The following BLZF1 variants were observed in gnomAD, a reference collection of about 807,000 sequenced individuals.
The protein encoded by BLZF1 is golgin-45.
BLZF1 carries 39 observed loss-of-function variants against 43.8 expected under a neutral mutation model. That is an observed-to-expected ratio of 0.89 (90% confidence interval 0.69 to 1.16). BLZF1 has a LOEUF of 1.16. BLZF1 is among the 50% of genes most tolerant of loss of function. The pLI is 0.00. For synonymous variants in BLZF1, 136 were observed against 159.4 expected, an observed-to-expected ratio of 0.85 and a Z score of 1.11; for missense variants, 449 against 469.8, an observed-to-expected ratio of 0.96 and a Z score of 0.41.
At chr1:169,373,866 G>C (rs1654208489) in intron 2 of BLZF1, among the ~76,000 whole-genome samples, 1 of 152,044 alleles carries the variant, frequency 6.6e-6, no homozygotes, top group African/African-American at 2.4e-5. Context: ...AATTTTATTT[G>C]ACCATAATGG....
chr1:169,372,352 AT>A (rs1282008990), intron 2 of BLZF1, among the ~76,000 whole-genome samples: 1 of 152,148 alleles, frequency 6.6e-6, no homozygotes, highest in African/African-American at 2.4e-5. Context: ...AGGAAAAAAA[AT>A]AAAGCAGTTT....
At chr1:169,383,089 C>T (rs1654573488) in intron 6 of BLZF1, among the ~76,000 whole-genome samples, 1 of 152,180 alleles carries the variant, frequency 6.6e-6, no homozygotes. Flanking sequence ...TCCGAGTATG[C>T]TGCAAACCCC....
intron 7 of BLZF1, among the ~76,000 whole-genome samples, chr1:169,393,591 A>C (rs1332286319): frequency 6.7e-6 from 1 of 149,822 alleles, no homozygotes; most frequent in Non-Finnish European, 1.5e-5. Flanking sequence ...TCTAAGGGAA[A>C]AAAAAAAACA....
In BLZF1 at chr1:169,387,335, A is replaced by G. The variant is rs549206505; in HGVS notation, c.*153A>G. On this transcript the variant is annotated 3_prime_UTR_variant, in exon 7 of 7. Coordinates refer to ENST00000367808, the MANE Select transcript of BLZF1 (RefSeq NM_001320973.2). ...AGATATTTTATGTACTAGACTCCAG[A>G]TTACCCTTTCTTAATAAATATCTCA... The G allele has an allele frequency of 4.9e-4, 297 of 612,054 alleles. 3 individuals carry two copies. In the South Asian group the frequency reaches 5.3e-3, roughly 11 times the overall value. The allele number at this position is 612,054 out of a possible 1,614,324, so 37.9% of individuals were successfully genotyped here. A position where few individuals can be genotyped will look rare whatever the true frequency, so the allele number is the denominator to read the frequency against.
intron 7 of BLZF1, among the ~76,000 whole-genome samples, chr1:169,393,954 C>T (rs769495801): frequency 3.3e-5 from 5 of 152,190 alleles, no homozygotes; most frequent in Non-Finnish European, 5.9e-5. Flanking sequence ...TGTCCATTCT[C>T]CATCACACTT....
At chr1:169,370,296 A>G (rs1429282880) in intron 2 of BLZF1, among the ~76,000 whole-genome samples, 1 of 152,190 alleles carries the variant, frequency 6.6e-6, no homozygotes, top group Non-Finnish European at 1.5e-5. Flanking sequence ...ATGAAGTCTC[A>G]TTCTGAGGTA....
At chr1:169,377,865 C>T (rs1654408018) in intron 3 of BLZF1, among the ~76,000 whole-genome samples, 1 of 151,916 alleles carries the variant, frequency 6.6e-6, no homozygotes, top group Non-Finnish European at 1.5e-5. Context: ...TTGCTCTTTT[C>T]AGTAATGATG....
chr1:169,393,626 C>T (rs112400298), intron 7 of BLZF1, among the ~76,000 whole-genome samples: 4,403 of 147,268 alleles, frequency 0.03, 186 homozygotes, highest in African/African-American at 0.1. Flanking sequence ...TTTTGAGATA[C>T]GGTCTCACTC....
At chr1:169,377,494 G>A (rs1654397802) in intron 3 of BLZF1, 5 of 152,418 alleles carry the variant, frequency 3.3e-5, no homozygotes, top group East Asian at 3.9e-4. Flanking sequence ...TTCTCTATTA[G>A]ACCATGCATC....
chr1:169,380,406 A>G, intron 4 of BLZF1, 75 bp from the exon 5 acceptor site: 4 of 1,366,870 alleles, frequency 2.9e-6, no homozygotes, highest in Non-Finnish European at 4.0e-6. Flanking sequence ...AGTGACAGTC[A>G]CAAAGTAGTA....
intron 7 of BLZF1, chr1:169,394,927 T>C: frequency 1.1e-6 from 1 of 909,050 alleles, no homozygotes; most frequent in Non-Finnish European, 1.6e-6. Context: ...ACAAATTCAC[T>C]GTCAATAAAA....
chr1:169,373,044 A>G (rs1654178329), intron 2 of BLZF1, among the ~76,000 whole-genome samples: 1 of 152,132 alleles, frequency 6.6e-6, no homozygotes, highest in Non-Finnish European at 1.5e-5. Flanking sequence ...CTTATTAAAT[A>G]CTTACATGGT....
intron 3 of BLZF1, among the ~76,000 whole-genome samples, chr1:169,377,969 TAAA>T (rs1158683853): frequency 2.0e-5 from 3 of 152,162 alleles, no homozygotes; most frequent in Admixed American, 6.6e-5. Flanking sequence ...AAATGTTTAA[TAAA>T]AAACATAAAA....
downstream of BLZF1, among the ~76,000 whole-genome samples, chr1:169,389,399 A>T (rs1173136159): frequency 1.3e-5 from 2 of 152,256 alleles, no homozygotes; most frequent in African/African-American, 4.8e-5. Context: ...GCTCAGCATA[A>T]CTACTCATTA....
At chr1:169,389,522 G>T (rs1225132638), downstream of BLZF1, among the ~76,000 whole-genome samples, 2 of 152,196 alleles carry the variant, frequency 1.3e-5, no homozygotes, top group Admixed American at 1.3e-4. Context: ...TTGTTTGTGG[G>T]AATGTAAAAT....
chr1:169,379,297 A>T (rs762504834), intron 4 of BLZF1, among the ~76,000 whole-genome samples: 15 of 152,072 alleles, frequency 9.9e-5, no homozygotes, highest in Admixed American at 5.3e-4. Context: ...GATTTTGATG[A>T]ATACATTTTT....
At chr1:169,388,705 C>T (rs1654740299), downstream of BLZF1, among the ~76,000 whole-genome samples, 1 of 152,172 alleles carries the variant, frequency 6.6e-6, no homozygotes, top group Admixed American at 6.5e-5. Context: ...AGCAAAGGGG[C>T]TGGGCATGGT....
At chr1:169,386,626 C>T (rs1654675840) in intron 6 of BLZF1, among the ~76,000 whole-genome samples, 1 of 150,600 alleles carries the variant, frequency 6.6e-6, no homozygotes, top group East Asian at 1.9e-4. Flanking sequence ...TTTCAGTGAG[C>T]CGAGATCGCG....
At chr1:169,382,620 G>A (rs974494318) in intron 6 of BLZF1, among the ~76,000 whole-genome samples, 14 of 152,138 alleles carry the variant, frequency 9.2e-5, no homozygotes, top group African/African-American at 3.4e-4. Context: ...TAGATTCATA[G>A]ATTACTTCTG....
Sources: gnomAD v4.1 joint callset for allele counts (sites outside exome capture counted in the v4.1 genomes callset) on GRCh38, gnomAD v4.1.1 for gene constraint, MANE v1.5 for transcripts, NCBI Gene and HGNC (gene_info 2026-07-23, HGNC 2026-07-21) for gene names.